The following ADGRL2 variants were observed in gnomAD, a reference collection of about 807,000 sequenced individuals.
ADGRL2 encodes the protein adhesion G protein-coupled receptor L2.
Under a neutral mutation model 157.4 loss-of-function variants are expected in ADGRL2, and 44 were observed. That is an observed-to-expected ratio of 0.28 (90% confidence interval 0.22 to 0.36). The LOEUF is 0.36. ADGRL2 is among the 10% of genes least tolerant of loss of function. The pLI is 1.00. For synonymous variants in ADGRL2, 585 were observed against 624.7 expected (o/e 0.94, Z 0.95); for missense variants, 1,510 against 1,768.9 (o/e 0.85, Z 2.63).
At chr1:81,893,790 A>G (rs1335902895) in intron 2 of ADGRL2, among the ~76,000 whole-genome samples, 2 of 152,228 alleles carry the variant, frequency 1.3e-5, no homozygotes, top group African/African-American at 4.8e-5. Context: ...TAACTTTACA[A>G]TGTTAAAATA....
intron 3 of ADGRL2, among the ~76,000 whole-genome samples, chr1:81,925,308 C>G (rs1048894634): frequency 3.3e-5 from 5 of 151,986 alleles, no homozygotes; most frequent in African/African-American, 1.2e-4. Flanking sequence ...CTTGCTCATT[C>G]TTTTTTATTC....
At chr1:81,891,458 T>A (rs1185687337) in intron 2 of ADGRL2, among the ~76,000 whole-genome samples, 2 of 152,116 alleles carry the variant, frequency 1.3e-5, no homozygotes, top group Non-Finnish European at 2.9e-5. Flanking sequence ...CAGAAATATA[T>A]GATGCTGTCT....
chr1:81,353,489 A>G (rs1036029514), intron 1 of ADGRL2, among the ~76,000 whole-genome samples: 1 of 152,196 alleles, frequency 6.6e-6, no homozygotes, highest in East Asian at 1.9e-4. Context: ...CAGGGGCTCC[A>G]CTACGGCTGC....
chr1:81,628,760 C>T (rs1298262133), intron 3 of ADGRL2, among the ~76,000 whole-genome samples: 1 of 152,134 alleles, frequency 6.6e-6, no homozygotes, highest in African/African-American at 2.4e-5. Flanking sequence ...CTAAATCAAT[C>T]AAATGGCATG....
At chr1:81,484,604 G>A (rs2078460859) in intron 2 of ADGRL2, among the ~76,000 whole-genome samples, 1 of 152,116 alleles carries the variant, frequency 6.6e-6, no homozygotes, top group African/African-American at 2.4e-5. Context: ...TATTATTTCA[G>A]TTATGAGCTG....
intron 2 of ADGRL2, among the ~76,000 whole-genome samples, chr1:81,471,470 G>A (rs1011708221): frequency 6.6e-6 from 1 of 152,026 alleles, no homozygotes; most frequent in African/African-American, 2.4e-5. Flanking sequence ...TTATCTGGAA[G>A]GTTTAATAAG....
intron 1 of ADGRL2, among the ~76,000 whole-genome samples, chr1:81,416,989 C>T (rs1055819852): frequency 9.9e-5 from 15 of 152,108 alleles, no homozygotes; most frequent in African/African-American, 2.9e-4. Context: ...TTCTCAGGCA[C>T]GTAGTTCTCA....
intron 2 of ADGRL2, among the ~76,000 whole-genome samples, chr1:81,462,188 C>CCACTCTGTAAAATGGACCAATCAG (rs2101810934): frequency 6.6e-6 from 1 of 152,112 alleles, no homozygotes; most frequent in African/African-American, 2.4e-5. Flanking sequence ...GGACCAATCA[C>CCACTCTGTAAAATGGACCAATCAG]CACTCTGTAA....
intron 3 of ADGRL2, among the ~76,000 whole-genome samples, chr1:81,659,230 T>A (rs1400643565): frequency 6.6e-6 from 1 of 151,822 alleles, no homozygotes; most frequent in African/African-American, 2.4e-5. Context: ...GCCGGCTGAT[T>A]TTTTGTATTT....
intron 17 of ADGRL2, among the ~76,000 whole-genome samples, chr1:81,978,889 T>A (rs987389256): frequency 6.6e-6 from 1 of 151,726 alleles, no homozygotes; most frequent in African/African-American, 2.4e-5. Flanking sequence ...TGGTATTCTC[T>A]TAAGTAACGT....
At chr1:81,817,478 A>AT (rs892229452) in intron 1 of ADGRL2, among the ~76,000 whole-genome samples, 11 of 152,020 alleles carry the variant, frequency 7.2e-5, no homozygotes, top group South Asian at 2.1e-4. Context: ...AATAATACAC[A>AT]TTTTTTTAAA....
In ADGRL2 at chr1:81,481,120, G is replaced by C. The variant is rs560772797; in HGVS notation, c.-248+36031G>C. 2.6e-5 allele frequency among the ~76,000 whole-genome samples: 4 copies of C among 152,252 alleles called. No individual in the cohort carries two copies. The South Asian group carries it at 8.3e-4, about 32-fold the overall frequency. On this transcript the variant is annotated intron_variant, in intron 2 of 24. Transcript: ENST00000370721. Reference sequence around the variant, plus strand: ...CAGTGTTTTTCCATGATTTCCATCAGTGTCTAGTAACAATCCTTTTAAACA... The same window carrying C: ...CAGTGTTTTTCCATGATTTCCATCACTGTCTAGTAACAATCCTTTTAAACA...
chr1:81,604,244 C>T (rs927445059), intron 3 of ADGRL2, among the ~76,000 whole-genome samples: 7 of 152,106 alleles, frequency 4.6e-5, no homozygotes, highest in Non-Finnish European at 1.0e-4. Flanking sequence ...GGATTACAGG[C>T]GTGAGCCGCT....
chr1:81,466,696 C>T (rs1338744279), intron 2 of ADGRL2, among the ~76,000 whole-genome samples: 2 of 134,976 alleles, frequency 1.5e-5, no homozygotes, highest in African/African-American at 5.4e-5. Context: ...CACACACATA[C>T]ACACTATGTC....
intron 1 of ADGRL2, among the ~76,000 whole-genome samples, chr1:81,825,886 A>G (rs1014290386): frequency 6.6e-6 from 1 of 152,116 alleles, no homozygotes; most frequent in Non-Finnish European, 1.5e-5. Flanking sequence ...GGCTGGCAAG[A>G]TGGATGGAAG....
intron 3 of ADGRL2, among the ~76,000 whole-genome samples, chr1:81,582,166 GC>G (rs2080929070): frequency 6.6e-6 from 1 of 152,036 alleles, no homozygotes; most frequent in African/African-American, 2.4e-5. Context: ...CTTGCGGTGA[GC>G]CAAGATCACG....
chr1:81,763,046 TAAAAAAAAAAA>T (rs748864220), intron 2 of ADGRL2, among the ~76,000 whole-genome samples: 1 of 73,768 alleles, frequency 1.4e-5, no homozygotes, highest in Non-Finnish European at 2.4e-5. Context: ...AGACTCCGTC[TAAAAAAAAAAA>T]AAAAAAAAAA....
intron 2 of ADGRL2, among the ~76,000 whole-genome samples, chr1:81,901,837 T>G (rs1185713461): frequency 2.0e-5 from 3 of 152,184 alleles, no homozygotes; most frequent in Admixed American, 2.0e-4. Flanking sequence ...GAAAATAGTG[T>G]AAAATGGTCA....
At chr1:81,525,268 G>A (rs2079426008) in intron 2 of ADGRL2, among the ~76,000 whole-genome samples, 1 of 151,660 alleles carries the variant, frequency 6.6e-6, no homozygotes, top group Non-Finnish European at 1.5e-5. Context: ...TACCCGGAAG[G>A]AGCCTAACAT....
Sources: gnomAD v4.1 joint callset for allele counts (sites outside exome capture counted in the v4.1 genomes callset) on GRCh38, gnomAD v4.1.1 for gene constraint, MANE v1.5 for transcripts, NCBI Gene and HGNC (gene_info 2026-07-23, HGNC 2026-07-21) for gene names.